The following ACKR5 variants were observed in gnomAD, a reference collection of about 807,000 sequenced individuals.
ACKR5 encodes G protein-coupled receptor 182.
At chr12:56,996,800 G>C in the ACKR5 span, 4 of 193,032 alleles carry the variant, frequency 2.1e-5, no homozygotes, top group African/African-American at 9.3e-5. Flanking sequence ...ACTCTGGCTG[G>C]AAACAGTGAA....
the ACKR5 span, chr12:56,997,480 C>T: frequency 1.3e-5 from 2 of 152,222 alleles, no homozygotes; most frequent in Non-Finnish European, 1.5e-5. Context: ...TCCTAATTTT[C>T]CTGTCCCACA....
the ACKR5 span, chr12:56,995,963 A>C: frequency 6.2e-7 from 1 of 1,611,752 alleles, no homozygotes; most frequent in African/African-American, 1.3e-5. The surrounding 1 kb of genome is among the most constrained non-coding windows in gnomAD (Gnocchi z 4.7). Context: ...AGGACAACCC[A>C]AGAGCCGGCG....
the ACKR5 span, chr12:56,995,648 C>G: frequency 6.2e-7 from 1 of 1,614,070 alleles, no homozygotes. The surrounding 1 kb of genome is among the most constrained non-coding windows in gnomAD (Gnocchi z 4.7). Flanking sequence ...CCTGGTGTGC[C>G]TCAGTGTCGA....
chr12:56,998,382 G>A, the ACKR5 span: 1 of 152,284 alleles, frequency 6.6e-6, no homozygotes, highest in African/African-American at 2.4e-5. Context: ...AACTTCTTGA[G>A]GTCTGTCTCC....
At chr12:56,995,638 C>A in the ACKR5 span, 1 of 1,614,114 alleles carries the variant, frequency 6.2e-7, no homozygotes, top group South Asian at 1.1e-5. The surrounding 1 kb of genome is among the most constrained non-coding windows in gnomAD (Gnocchi z 4.7). Context: ...GCATCTTCTT[C>A]CTGGTGTGCC....
chr12:56,997,028 G>A, the ACKR5 span: 1 of 152,380 alleles, frequency 6.6e-6, no homozygotes, highest in African/African-American at 2.4e-5. Flanking sequence ...CCTGCACCCT[G>A]CAGCTGGGTC....
the ACKR5 span, chr12:56,995,942 C>T: frequency 1.2e-6 from 2 of 1,612,274 alleles, no homozygotes; most frequent in East Asian, 2.2e-5. This position sits in a 1 kb window ranked among gnomAD's most constrained non-coding sequence, Gnocchi z 4.7. Context: ...AGCCTGCCGG[C>T]TGCGGCAGCC....
chr12:56,996,189 TC>T, the ACKR5 span: 16 of 1,613,998 alleles, frequency 9.9e-6, no homozygotes, highest in Non-Finnish European at 1.4e-5. Flanking sequence ...AGCCCACACT[TC>T]CGGGGCCGGC....
At chr12:56,995,407 TG>T in the ACKR5 span, 1 of 1,614,222 alleles carries the variant, frequency 6.2e-7, no homozygotes, top group Non-Finnish European at 8.5e-7. The surrounding 1 kb of genome is among the most constrained non-coding windows in gnomAD (Gnocchi z 4.7). Flanking sequence ...TGTTTGTGGT[TG>T]GGCTGGTGGA....
the ACKR5 span, chr12:56,995,284 G>C: frequency 1.9e-6 from 3 of 1,614,198 alleles, no homozygotes; most frequent in Non-Finnish European, 2.5e-6. The surrounding 1 kb of genome is among the most constrained non-coding windows in gnomAD (Gnocchi z 4.7). Flanking sequence ...ACCTTGGAGA[G>C]ATCCACAACT....
the ACKR5 span, chr12:56,996,707 G>A: frequency 4.9e-5 from 17 of 349,328 alleles, no homozygotes; most frequent in Admixed American, 1.7e-4. Flanking sequence ...TTAAAAATCT[G>A]CACTTCCAGC....
At chr12:56,995,583 C>G in the ACKR5 span, 1 of 1,614,170 alleles carries the variant, frequency 6.2e-7, no homozygotes, top group Non-Finnish European at 8.5e-7. The surrounding 1 kb of genome is among the most constrained non-coding windows in gnomAD (Gnocchi z 4.7). Context: ...GGCAGCTTCT[C>G]CTGCCGCTTC....
At chr12:56,998,063 G>C in the ACKR5 span, 1 of 152,184 alleles carries the variant, frequency 6.6e-6, no homozygotes, top group Non-Finnish European at 1.5e-5. Context: ...CATTGAAAAA[G>C]ACTTTCCTCT....
chr12:56,996,648 G>A, the ACKR5 span: 1 of 481,662 alleles, frequency 2.1e-6, no homozygotes, highest in Non-Finnish European at 3.7e-6. Context: ...GAGCAATGCA[G>A]AAAAAAAGGT....
the ACKR5 span, chr12:56,997,898 G>A: frequency 1.3e-5 from 2 of 152,244 alleles, no homozygotes; most frequent in Non-Finnish European, 2.9e-5. Flanking sequence ...AGCATGGAAG[G>A]AAACCTGCAT....
chr12:56,997,173 A>G, the ACKR5 span: 1 of 152,292 alleles, frequency 6.6e-6, no homozygotes, highest in Admixed American at 6.5e-5. Context: ...AGCTCCTCAT[A>G]GCTGACCTCT....
At chr12:56,995,268 C>G in the ACKR5 span, 1 of 1,613,834 alleles carries the variant, frequency 6.2e-7, no homozygotes, top group Non-Finnish European at 8.5e-7. This position sits in a 1 kb window ranked among gnomAD's most constrained non-coding sequence, Gnocchi z 4.7. Flanking sequence ...GCAGTGCCTA[C>G]CAGTGACCTT....
At chr12:56,995,569 C>G in the ACKR5 span, 1 of 1,614,182 alleles carries the variant, frequency 6.2e-7, no homozygotes, top group Non-Finnish European at 8.5e-7. The surrounding 1 kb of genome is among the most constrained non-coding windows in gnomAD (Gnocchi z 4.7). Flanking sequence ...ACACCTGGCT[C>G]TGGGGCAGCT....
chr12:56,996,658 T>C, the ACKR5 span: 1 of 475,670 alleles, frequency 2.1e-6, no homozygotes, highest in Non-Finnish European at 3.8e-6. Flanking sequence ...GAAAAAAAGG[T>C]GAAATAAATG....
Sources: gnomAD v4.1 joint callset for allele counts on GRCh38, gnomAD v4.1.1 for gene constraint, Gnocchi (gnomAD v3.1) non-coding constraint, MANE v1.5 for transcripts, NCBI Gene and HGNC (gene_info 2026-07-23, HGNC 2026-07-21) for gene names.